Variants in SCMH1 observed in about 807,000 individuals in gnomAD.
SCMH1 encodes Scm polycomb group protein homolog 1.
Under a neutral mutation model 70.8 loss-of-function variants are expected in SCMH1, and 37 were observed. The observed-to-expected ratio is 0.52, with a 90% CI of 0.40 to 0.69. The LOEUF (loss-of-function observed/expected upper bound fraction) is 0.69. Among genes scored for constraint, SCMH1 ranks in the 30% least tolerant of loss-of-function variants. The pLI, the probability that SCMH1 is intolerant of heterozygous loss-of-function variation, is 0.00. For missense variants in SCMH1, 607 were observed against 827.3 expected (o/e 0.73, Z 3.27); for synonymous variants, 292 against 307.4 (o/e 0.95, Z 0.52).
rs201727766 is a variant in SCMH1 at position 41,113,207 on chromosome 1, T to C, written c.745+76A>G. ...TACTAGTGAAGTATACTGGTGAAGA[T>C]ATGATCATGACAGCCCTGGGTAGTC... On this transcript the variant is annotated intron_variant, in intron 8 of 14. Transcript: ENST00000337495. This position sits in a 1 kb window ranked among gnomAD's most constrained non-coding sequence, Gnocchi z 4.3. The C allele has an allele frequency of 8.7e-5, 134 of 1,532,860 alleles. 3 individuals are homozygous for C. In the South Asian group the frequency reaches 1.6e-3, roughly 18 times the overall value. 95.0% of individuals were successfully genotyped at this position (1,532,860 alleles called of 1,614,324 possible). A position where few individuals can be genotyped will look rare whatever the true frequency, so the allele number is the denominator to read the frequency against.
intron 6 of SCMH1, among the ~76,000 whole-genome samples, chr1:41,129,229 C>T (rs1047896519): frequency 1.3e-5 from 2 of 152,040 alleles, no homozygotes; most frequent in African/African-American, 4.8e-5. Flanking sequence ...CAGTTTTAAT[C>T]ATTTTAAAGT....
chr1:41,209,620 T>C (rs1000402684), intron 1 of SCMH1, among the ~76,000 whole-genome samples: 1 of 152,346 alleles, frequency 6.6e-6, no homozygotes, highest in Middle Eastern at 3.4e-3. Context: ...AAAAACCACA[T>C]GATTATCTCA....
chr1:41,068,113 T>C (rs1655279468), intron 10 of SCMH1, among the ~76,000 whole-genome samples: 1 of 152,208 alleles, frequency 6.6e-6, no homozygotes, highest in South Asian at 2.1e-4. Context: ...AAAATCCTTT[T>C]ATGGAGAGCA....
intron 5 of SCMH1, among the ~76,000 whole-genome samples, chr1:41,144,000 T>G (rs1177831985): frequency 1.3e-5 from 2 of 152,248 alleles, no homozygotes; most frequent in African/African-American, 4.8e-5. Flanking sequence ...ATAAAGCTGC[T>G]AGAAACATTT....
exon 15 of SCMH1, chr1:41,027,929 G>T (rs1218909749): frequency 2.8e-5 from 13 of 460,402 alleles, no homozygotes; most frequent in Admixed American, 1.1e-4. Flanking sequence ...AGCCAGGGTT[G>T]AGAAATAAAT....
At chr1:41,142,709 A>T (rs746635873) in intron 6 of SCMH1, among the ~76,000 whole-genome samples, 169 bp downstream of exon 6, 1 of 152,220 alleles carries the variant, frequency 6.6e-6, no homozygotes, top group Non-Finnish European at 1.5e-5. Context: ...GTAGAGATGG[A>T]GATGTCCAAA....
intron 1 of SCMH1, among the ~76,000 whole-genome samples, chr1:41,215,645 G>A (rs1389305207): frequency 1.3e-5 from 2 of 151,994 alleles, no homozygotes; most frequent in Non-Finnish European, 2.9e-5. Flanking sequence ...AGAAATCAAT[G>A]AGTCCCCTTT....
rs556855248 is a variant in SCMH1, at chr1:41,059,005, T to C, written c.1106-10115A>G. On this transcript the variant is annotated intron_variant, in intron 10 of 14. Transcript: ENST00000337495. Reference sequence around the variant, plus strand: ...GCTTGTGGGAGACCATCGAAGAGTTTACTTGTGAATGATCTGTGCAGGCAG... The same window carrying C: ...GCTTGTGGGAGACCATCGAAGAGTTCACTTGTGAATGATCTGTGCAGGCAG... 8.7e-4 allele frequency among the ~76,000 whole-genome samples: 132 copies of C among 152,308 alleles called. 2 individuals are homozygous for C. The highest frequency in any genetic ancestry group is 3.1e-3 in the African/African-American group (130 of 41,558).
chr1:41,234,637 G>C (rs890601786), intron 1 of SCMH1, among the ~76,000 whole-genome samples: 1 of 151,470 alleles, frequency 6.6e-6, no homozygotes, highest in Admixed American at 6.6e-5. Context: ...ACCACACCTG[G>C]CTAATTTTTT....
chr1:41,086,346 A>C (rs1314950159), intron 8 of SCMH1, among the ~76,000 whole-genome samples: 2 of 152,178 alleles, frequency 1.3e-5, no homozygotes, highest in African/African-American at 4.8e-5. Context: ...CAGAGGCAGA[A>C]ATACTCAGGA....
intron 1 of SCMH1, among the ~76,000 whole-genome samples, chr1:41,205,296 G>A (rs147281298): frequency 0.013 from 1,959 of 152,310 alleles, 41 homozygotes; most frequent in African/African-American, 0.045. Flanking sequence ...AGCCAAGGGA[G>A]GCCGTGACAG....
chr1:41,034,278 A>G (rs1286267548), intron 13 of SCMH1, among the ~76,000 whole-genome samples: 3 of 151,096 alleles, frequency 2.0e-5, no homozygotes, highest in African/African-American at 7.3e-5. Flanking sequence ...TCTTCCCATG[A>G]TTCAGCCTTC....
chr1:41,211,044 G>A (rs1431256491), intron 1 of SCMH1, among the ~76,000 whole-genome samples: 3 of 152,032 alleles, frequency 2.0e-5, no homozygotes, highest in East Asian at 1.9e-4. Context: ...TCCTGACCTC[G>A]TGATCCACCT....
chr1:41,219,763 A>C (rs1256350131), intron 1 of SCMH1, among the ~76,000 whole-genome samples: 1 of 152,064 alleles, frequency 6.6e-6, no homozygotes, highest in African/African-American at 2.4e-5. Flanking sequence ...AACCGTCCCT[A>C]CTAAAAATAT....
At chr1:41,109,303 C>T (rs1668698808) in intron 8 of SCMH1, among the ~76,000 whole-genome samples, 1 of 151,958 alleles carries the variant, frequency 6.6e-6, no homozygotes, top group African/African-American at 2.4e-5. Flanking sequence ...ATTGGTTTTT[C>T]CTATTTGCCA....
chr1:41,086,610 T>G (rs1286827232), intron 8 of SCMH1, among the ~76,000 whole-genome samples: 1 of 151,660 alleles, frequency 6.6e-6, no homozygotes, highest in Non-Finnish European at 1.5e-5. Context: ...TTGTATGTAT[T>G]AAAAAAAACC....
chr1:41,077,017 T>C, intron 8 of SCMH1, among the ~76,000 whole-genome samples: 1 of 152,106 alleles, frequency 6.6e-6, no homozygotes, highest in South Asian at 2.1e-4. Flanking sequence ...AACTATTATA[T>C]AGGGCAGGTA....
chr1:41,159,590 T>C, intron 4 of SCMH1: 1 of 1,016,002 alleles, frequency 9.8e-7, no homozygotes, highest in Non-Finnish European at 1.3e-6. Flanking sequence ...AATAGGAATT[T>C]GAACCTTGGT....
chr1:41,231,667 T>C (rs1416615005), intron 1 of SCMH1, among the ~76,000 whole-genome samples: 2 of 152,214 alleles, frequency 1.3e-5, no homozygotes, highest in Admixed American at 6.5e-5. Flanking sequence ...CTTAGCCTCT[T>C]CTTGGCTGAC....
Sources: gnomAD v4.1 joint callset for allele counts (sites outside exome capture counted in the v4.1 genomes callset) on GRCh38, gnomAD v4.1.1 for gene constraint, Gnocchi (gnomAD v3.1) non-coding constraint, MANE v1.5 for transcripts, NCBI Gene and HGNC (gene_info 2026-07-23, HGNC 2026-07-21) for gene names.